B4GALT1: variants seen among roughly 807,000 people sequenced by gnomAD.
The protein encoded by B4GALT1 is beta-1,4-galactosyltransferase 1.
B4GALT1 carries 16 observed loss-of-function variants against 34.9 expected under a neutral mutation model. That is an observed-to-expected ratio of 0.46 (90% CI 0.31 to 0.70). B4GALT1 has a LOEUF of 0.70. Ranked by LOEUF, B4GALT1 falls within the 30% of genes least tolerant of loss-of-function variation. The pLI, the probability that B4GALT1 is intolerant of heterozygous loss-of-function variation, is 0.05. For missense variants in B4GALT1, 445 were observed against 530.5 expected (o/e 0.84, Z 1.58); for synonymous variants, 221 against 218.1 (o/e 1.01, Z -0.12).
rs886063859 is a variant in B4GALT1 at position 33,110,736 on chromosome 9, C to G, written c.*2718G>C. On this transcript the variant is annotated 3_prime_UTR_variant, in exon 6 of 6. Transcript: ENST00000379731. ...GAACACCAAGATCAGACACAGCCCC[C>G]TACACAATGGTAAATACACACATTT... 1 of 152,180 alleles carries G rather than the reference C, an allele frequency of 6.6e-6. No homozygotes were observed. Among genetic ancestry groups the G allele is most frequent in the South Asian group, 2.1e-4 (1 of 4,834 alleles). The allele number at this position is 152,180 out of a possible 1,614,324, so 9.4% of individuals were successfully genotyped here.
At chr9:33,177,138 C>T in the B4GALT1 span, among the ~76,000 whole-genome samples, 18,264 of 152,068 alleles carry the variant, frequency 0.12, 1,863 homozygotes, top group African/African-American at 0.28. Context: ...CACAGGCAGC[C>T]AAAGGGAGTA....
the B4GALT1 span, among the ~76,000 whole-genome samples, chr9:33,184,607 C>T: frequency 1.3e-5 from 2 of 152,172 alleles, no homozygotes; most frequent in East Asian, 1.9e-4. Context: ...ATGTGGATCA[C>T]CTGGGGAGCT....
chr9:33,174,670 T>C, the B4GALT1 span, among the ~76,000 whole-genome samples: 1 of 150,238 alleles, frequency 6.7e-6, no homozygotes, highest in Non-Finnish European at 1.5e-5. Flanking sequence ...TATATCTTAT[T>C]GGGGGCCAGA....
intron 1 of B4GALT1, among the ~76,000 whole-genome samples, chr9:33,141,180 G>C (rs1273168768): frequency 6.6e-6 from 1 of 152,114 alleles, no homozygotes; most frequent in African/African-American, 2.4e-5. Flanking sequence ...GGGTTGGTAG[G>C]GGAGTGGGCG....
intron 4 of B4GALT1, among the ~76,000 whole-genome samples, chr9:33,115,755 G>A (rs141394888): frequency 9.2e-5 from 14 of 152,262 alleles, no homozygotes; most frequent in East Asian, 1.9e-4. Context: ...AACTTGCCCC[G>A]TCACTTGGTT....
chr9:33,184,249 C>T, the B4GALT1 span, among the ~76,000 whole-genome samples: 1 of 108,664 alleles, frequency 9.2e-6, no homozygotes, highest in East Asian at 2.6e-4. Context: ...TAAAGTCACT[C>T]TTGTACACAC....
the B4GALT1 span, among the ~76,000 whole-genome samples, chr9:33,175,790 G>A: frequency 4.8e-4 from 73 of 152,280 alleles, no homozygotes; most frequent in Middle Eastern, 3.4e-3. Flanking sequence ...TGTACCATCT[G>A]GATTTAGACT....
At chr9:33,144,234 C>CTTTA (rs1413281006) in intron 1 of B4GALT1, among the ~76,000 whole-genome samples, 1 of 151,364 alleles carries the variant, frequency 6.6e-6, no homozygotes, top group Non-Finnish European at 1.5e-5. Flanking sequence ...TCCATTTTCT[C>CTTTA]TTTATTTATT....
chr9:33,120,141 G>A (rs1277364710), intron 3 of B4GALT1, among the ~76,000 whole-genome samples: 1 of 151,710 alleles, frequency 6.6e-6, no homozygotes, highest in Non-Finnish European at 1.5e-5. Flanking sequence ...CCAAGATCAC[G>A]GCACTGCACT....
chr9:33,143,637 G>A (rs1251069293), intron 1 of B4GALT1, among the ~76,000 whole-genome samples: 1 of 152,202 alleles, frequency 6.6e-6, no homozygotes, highest in Non-Finnish European at 1.5e-5. Flanking sequence ...AGCACTGTAG[G>A]TAACTGCAAT....
intron 1 of B4GALT1, among the ~76,000 whole-genome samples, chr9:33,155,668 AAGTTGTGGTC>A (rs1049851432): frequency 6.6e-6 from 1 of 152,100 alleles, no homozygotes; most frequent in African/African-American, 2.4e-5. Context: ...TTCTGTCCCT[AAGTTGTGGTC>A]AGAGCCTCAC....
chr9:33,142,050 T>C (rs977689508), intron 1 of B4GALT1, among the ~76,000 whole-genome samples: 10 of 152,168 alleles, frequency 6.6e-5, no homozygotes, highest in Admixed American at 2.6e-4. Flanking sequence ...TGGCACAATC[T>C]TGGCTCACTA....
intron 2 of B4GALT1, among the ~76,000 whole-genome samples, chr9:33,133,046 C>T (rs2481060): frequency 6.6e-6 from 1 of 151,946 alleles, no homozygotes; most frequent in Non-Finnish European, 1.5e-5. Flanking sequence ...GGGATTACAG[C>T]CGCCCACCAC....
At chr9:33,133,393 A>C (rs1196984900) in intron 2 of B4GALT1, among the ~76,000 whole-genome samples, 1 of 152,166 alleles carries the variant, frequency 6.6e-6, no homozygotes, top group Non-Finnish European at 1.5e-5. Flanking sequence ...GGCACGGCTT[A>C]TTAGTCATCC....
the B4GALT1 span, among the ~76,000 whole-genome samples, chr9:33,174,565 C>G: frequency 6.6e-6 from 1 of 151,894 alleles, no homozygotes; most frequent in Non-Finnish European, 1.5e-5. Flanking sequence ...AGGAGAATCG[C>G]TTAAACCTGG....
intron 1 of B4GALT1, among the ~76,000 whole-genome samples, chr9:33,143,555 G>A (rs1301914362): frequency 6.6e-6 from 1 of 152,262 alleles, no homozygotes; most frequent in Non-Finnish European, 1.5e-5. Context: ...TGAATTTACA[G>A]GTTCTTGAGT....
chr9:33,142,610 C>CTCTTTA (rs1418385480), intron 1 of B4GALT1, among the ~76,000 whole-genome samples: 2 of 152,094 alleles, frequency 1.3e-5, no homozygotes, highest in African/African-American at 4.8e-5. Context: ...TCCCTAGGAC[C>CTCTTTA]TCTTTTTCTT....
At chr9:33,133,528 C>T (rs1275893768) in intron 2 of B4GALT1, among the ~76,000 whole-genome samples, 1 of 152,234 alleles carries the variant, frequency 6.6e-6, no homozygotes, top group African/African-American at 2.4e-5. Context: ...GTTTCTCAAT[C>T]ACAGAGCTTT....
At chr9:33,171,461 C>A (rs1239240457), upstream of B4GALT1, among the ~76,000 whole-genome samples, 1 of 152,204 alleles carries the variant, frequency 6.6e-6, no homozygotes, top group Non-Finnish European at 1.5e-5. Context: ...TCCCTGAAAG[C>A]CCAGCCTTAG....
Sources: allele counts gnomAD v4.1 joint callset (sites outside exome capture counted in the v4.1 genomes callset), GRCh38; gene constraint gnomAD v4.1.1; transcripts MANE v1.5; gene names NCBI Gene and HGNC (gene_info 2026-07-23, HGNC 2026-07-21).